The following RNF150 variants were observed in gnomAD, a reference collection of about 807,000 sequenced individuals.
The protein encoded by RNF150 is ring finger protein 150.
A neutral mutation model predicts 39.3 loss-of-function variants in RNF150; 24 were observed. The ratio of observed to expected loss-of-function variants is 0.61; its 90% CI spans 0.44 to 0.86. The LOEUF is 0.86. Ranked by LOEUF, RNF150 falls within the 40% of genes least tolerant of loss-of-function variation. RNF150 has a pLI of 0.00. For missense variants in RNF150, 502 were observed against 587.8 expected (o/e 0.85, Z 1.51); for synonymous variants, 255 against 227.3 (o/e 1.12, Z -1.10).
At chr4:141,101,374 C>A (rs568019011) in intron 1 of RNF150, among the ~76,000 whole-genome samples, 44 of 152,218 alleles carry the variant, frequency 2.9e-4, no homozygotes, top group Non-Finnish European at 5.1e-4. Flanking sequence ...TAGGCCTACA[C>A]AGGGTCAGGA....
chr4:140,903,288 G>C (rs1730254566), intron 6 of RNF150, among the ~76,000 whole-genome samples: 1 of 152,068 alleles, frequency 6.6e-6, no homozygotes, highest in Admixed American at 6.5e-5. Flanking sequence ...ACTTTCCTTT[G>C]TTCTGAACCA....
intron 1 of RNF150, among the ~76,000 whole-genome samples, chr4:140,985,547 A>C (rs891084831): frequency 6.6e-6 from 1 of 152,204 alleles, no homozygotes; most frequent in Non-Finnish European, 1.5e-5. Context: ...GAAACAAATT[A>C]GGTATGAAAA....
intron 6 of RNF150, among the ~76,000 whole-genome samples, chr4:140,897,535 T>C (rs184286804): frequency 6.6e-6 from 1 of 152,314 alleles, no homozygotes; most frequent in East Asian, 1.9e-4. Context: ...GAATCTGGGC[T>C]TTGATGAGAG....
chr4:141,009,084 A>C (rs566830461), intron 1 of RNF150, among the ~76,000 whole-genome samples: 1 of 152,364 alleles, frequency 6.6e-6, no homozygotes, highest in East Asian at 1.9e-4. Context: ...CTGGAAATTT[A>C]TAAAAGAAAA....
At chr4:141,010,063 T>C (rs1163110782) in intron 1 of RNF150, among the ~76,000 whole-genome samples, 2 of 152,246 alleles carry the variant, frequency 1.3e-5, no homozygotes, top group Non-Finnish European at 2.9e-5. Context: ...TTAAACTCAA[T>C]AGACAGTTTC....
At chr4:141,050,296 G>T (rs1158535700) in intron 1 of RNF150, among the ~76,000 whole-genome samples, 1 of 151,972 alleles carries the variant, frequency 6.6e-6, no homozygotes, top group South Asian at 2.1e-4. Context: ...TTTGGGCAGG[G>T]ACAAAAGCAA....
At chr4:141,060,363 C>T (rs944735263) in intron 1 of RNF150, among the ~76,000 whole-genome samples, 2 of 152,132 alleles carry the variant, frequency 1.3e-5, no homozygotes, top group African/African-American at 2.4e-5. Flanking sequence ...ACTGGTTGAG[C>T]CCAGGAGGTT....
chr4:140,961,156 T>C (rs981021092), intron 2 of RNF150, among the ~76,000 whole-genome samples: 3 of 152,136 alleles, frequency 2.0e-5, no homozygotes, highest in Non-Finnish European at 2.9e-5. Context: ...TCTCTCCATT[T>C]TTAGTTGTAG....
At chr4:141,008,743 T>C (rs1463598573) in intron 1 of RNF150, among the ~76,000 whole-genome samples, 1 of 152,198 alleles carries the variant, frequency 6.6e-6, no homozygotes, top group East Asian at 1.9e-4. Flanking sequence ...TTCTTTGCCA[T>C]GTTGTTGTTC....
At chr4:140,924,612 C>T (rs907330141) in intron 5 of RNF150, among the ~76,000 whole-genome samples, 1 of 152,186 alleles carries the variant, frequency 6.6e-6, no homozygotes, top group African/African-American at 2.4e-5. Context: ...CCCTGAAAGA[C>T]TCAGTTATAG....
In RNF150 at chr4:140,865,685, G is replaced by T. The variant is rs915451428; in HGVS notation, c.*2576C>A. 6.6e-6 allele frequency: 1 copy of T among 152,426 alleles called. No individual in the cohort carries two copies. Among genetic ancestry groups the T allele is most frequent in the Admixed American group, 6.6e-5 (1 of 15,248 alleles). 9.4% of individuals were successfully genotyped at this position (152,426 alleles called of 1,614,324 possible). A position where few individuals can be genotyped will look rare whatever the true frequency, so the allele number is the denominator to read the frequency against. On this transcript the variant is annotated 3_prime_UTR_variant, in exon 7 of 7. Transcript: ENST00000515673. Reference sequence around the variant, plus strand: ...CTTGGGGTCAGATCTGCCAGCCTCGGGTTGGCCTTTCAGACCCCTCATCGT... The same window carrying T: ...CTTGGGGTCAGATCTGCCAGCCTCGTGTTGGCCTTTCAGACCCCTCATCGT...
At position 140,925,937 on chromosome 4, in the gene RNF150, AAGAC is replaced by A. The variant is rs755864995; in HGVS notation, c.987+36_987+39del. 3.1e-4 allele frequency: 440 copies of A among 1,413,990 alleles called. 2 individuals are homozygous for A. In the South Asian group the frequency reaches 4.1e-3, roughly 13 times the overall value. The allele number at this position is 1,413,990 out of a possible 1,614,324, so 87.6% of individuals were successfully genotyped here. A position where few individuals can be genotyped will look rare whatever the true frequency, so the allele number is the denominator to read the frequency against. ...CTCCCTGCTTTGAGGGCAACGCAGA[AAGAC>A]AGACATTATAATGCTGTAGGCTGTG... On this transcript the variant is annotated intron_variant, in intron 5 of 6. Coordinates refer to ENST00000515673, the MANE Select transcript of RNF150 (RefSeq NM_020724.2).
At chr4:141,085,818 C>G (rs1738341723) in intron 1 of RNF150, among the ~76,000 whole-genome samples, 1 of 151,950 alleles carries the variant, frequency 6.6e-6, no homozygotes, top group South Asian at 2.1e-4. Context: ...GATTCTTAAG[C>G]AAGGTGATTT....
chr4:141,114,327 A>C (rs1482161436), intron 1 of RNF150, among the ~76,000 whole-genome samples: 2 of 152,198 alleles, frequency 1.3e-5, no homozygotes, highest in Admixed American at 6.5e-5. Flanking sequence ...GGATATCACC[A>C]CTGATCCCAC....
rs184983677 is a variant in RNF150 at position 140,862,649 on chromosome 4, G to A, written c.*5612C>T. ...GAGTGAGGACAAAAGGAGGGAAAAGGAAGAGCTAAGGGATGATGAGAAACT... is the reference window on the plus strand; with the variant it reads ...GAGTGAGGACAAAAGGAGGGAAAAGAAAGAGCTAAGGGATGATGAGAAACT... On this transcript the variant is annotated 3_prime_UTR_variant, in exon 7 of 7. Transcript: ENST00000515673. 2 of 152,256 alleles carry A rather than the reference G, an allele frequency of 1.3e-5. No homozygotes were observed. The highest frequency in any genetic ancestry group is 3.9e-4 in the East Asian group (2 of 5,178). 9.4% of individuals were successfully genotyped at this position (152,256 alleles called of 1,614,324 possible).
intron 6 of RNF150, among the ~76,000 whole-genome samples, chr4:140,896,727 A>T (rs6537015): frequency 0.47 from 56,604 of 119,814 alleles, 13,447 homozygotes; most frequent in East Asian, 0.8. Context: ...CAAACAAAAA[A>T]AAATAATTTT....
In RNF150 at chr4:140,921,041, G is replaced by A. The variant is rs528704572; in HGVS notation, c.987+4936C>T. On this transcript the variant is annotated intron_variant, in intron 5 of 6. Coordinates refer to ENST00000515673, the MANE Select transcript of RNF150 (RefSeq NM_020724.2). The stretch of plus-strand genomic sequence containing the variant: ...ATCACACTCTGGGGACTGTTGTGGC[G>A]TGGGAGGAGGGATAGCATTAGGAGA... Among the ~76,000 whole-genome samples, 511 of 151,386 alleles carry A rather than the reference G, an allele frequency of 3.4e-3. 8 individuals carry two copies. In the South Asian group the frequency reaches 0.046, roughly 14 times the overall value.
intron 2 of RNF150, among the ~76,000 whole-genome samples, chr4:140,958,188 G>C (rs776155576): frequency 9.2e-5 from 14 of 152,134 alleles, no homozygotes; most frequent in Non-Finnish European, 4.4e-5. Flanking sequence ...TGCGTTACAT[G>C]CAAATAATGT....
At chr4:140,924,204 C>G (rs761989974) in intron 5 of RNF150, among the ~76,000 whole-genome samples, 56 of 152,156 alleles carry the variant, frequency 3.7e-4, no homozygotes, top group Non-Finnish European at 6.9e-4. Flanking sequence ...AAAATCCTAT[C>G]CGACTTGTTA....
Sources: gnomAD v4.1 joint callset for allele counts (sites outside exome capture counted in the v4.1 genomes callset) on GRCh38, gnomAD v4.1.1 for gene constraint, MANE v1.5 for transcripts, NCBI Gene and HGNC (gene_info 2026-07-23, HGNC 2026-07-21) for gene names.